Variants in GLYATL2 observed in about 807,000 individuals in gnomAD.
GLYATL2 encodes the protein glycine-N-acyltransferase like 2, also known as glycine N-acyltransferase-like protein 2.
GLYATL2 carries 25 observed loss-of-function variants against 21.4 expected under a neutral mutation model. The observed-to-expected ratio is 1.17, with a 90% CI of 0.85 to 1.63. The LOEUF is 1.63. GLYATL2 is among the 40% of genes most tolerant of loss of function. GLYATL2 has a pLI of 0.00. For synonymous variants in GLYATL2, 114 were observed against 118.2 expected (o/e 0.96, Z 0.23); for missense variants, 361 against 343.3 (o/e 1.05, Z -0.41).
Position 58,889,383 on chromosome 11 carries a change from T to C in GLYATL2, n.60+14773A>G, listed in dbSNP as rs114683043. ...CTTTGCCAATATTTATATGGGTTTT[T>C]AGTTTCTTGCCTTATTGCATAATGT... is the stretch of plus-strand genomic sequence containing the variant. On this transcript the variant is annotated intron_variant and non_coding_transcript_variant, in intron 1 of 4. Transcript: ENST00000533636. Among the ~76,000 whole-genome samples, 773 of 152,132 alleles carry C rather than the reference T, an allele frequency of 5.1e-3. 5 individuals are homozygous for C. The highest frequency in any genetic ancestry group is 0.018 in the African/African-American group (737 of 41,558).
At chr11:58,894,135 G>A (rs1331934625) in intron 1 of GLYATL2, among the ~76,000 whole-genome samples, 1 of 152,158 alleles carries the variant, frequency 6.6e-6, no homozygotes, top group African/African-American at 2.4e-5. Flanking sequence ...ACAGCACAGG[G>A]CAAGGTGTTG....
chr11:58,895,827 G>A (rs958087049), intron 1 of GLYATL2, among the ~76,000 whole-genome samples: 2 of 151,652 alleles, frequency 1.3e-5, no homozygotes, highest in Admixed American at 1.3e-4. Context: ...GGGATACCTG[G>A]AAGCCAGGCA....
chr11:58,896,040 T>G (rs1018182811), intron 1 of GLYATL2, among the ~76,000 whole-genome samples: 1 of 152,084 alleles, frequency 6.6e-6, no homozygotes, highest in African/African-American at 2.4e-5. Flanking sequence ...ATTTTTTTAG[T>G]AGGATGGGGT....
intron 1 of GLYATL2, among the ~76,000 whole-genome samples, chr11:58,865,729 G>A (rs665226): frequency 0.88 from 130,105 of 148,184 alleles, 59,048 homozygotes; most frequent in Non-Finnish European, 0.98. Flanking sequence ...AAGGATGAAG[G>A]AAGAAGGCAG....
chr11:58,864,947 T>G (rs1280051244), intron 1 of GLYATL2, among the ~76,000 whole-genome samples: 1 of 148,960 alleles, frequency 6.7e-6, no homozygotes, highest in Non-Finnish European at 1.5e-5. Context: ...TGTTAAGTGA[T>G]CTTATCAAAC....
intron 1 of GLYATL2, among the ~76,000 whole-genome samples, chr11:58,858,817 A>G (rs1295951385): frequency 6.6e-6 from 1 of 152,176 alleles, no homozygotes; most frequent in African/African-American, 2.4e-5. Context: ...GTCGTTTCCC[A>G]AAGTGTTGGC....
At chr11:58,859,427 A>T (rs1853893023) in intron 1 of GLYATL2, among the ~76,000 whole-genome samples, 1 of 152,160 alleles carries the variant, frequency 6.6e-6, no homozygotes, top group Non-Finnish European at 1.5e-5. Context: ...AGAGAGAGAG[A>T]GAGAGAAAGA....
intron 1 of GLYATL2, among the ~76,000 whole-genome samples, chr11:58,850,985 G>A (rs1470911601): frequency 6.6e-6 from 1 of 152,180 alleles, no homozygotes; most frequent in Non-Finnish European, 1.5e-5. Context: ...TTTCTGAAAA[G>A]AGCATAGAAT....
chr11:58,872,238 T>C (rs1054188053), intron 1 of GLYATL2, among the ~76,000 whole-genome samples: 2 of 152,196 alleles, frequency 1.3e-5, no homozygotes, highest in Non-Finnish European at 2.9e-5. Flanking sequence ...GTAGGTTGCC[T>C]GTTCACTCTG....
intron 1 of GLYATL2, among the ~76,000 whole-genome samples, chr11:58,888,090 A>G (rs1381030314): frequency 6.6e-6 from 1 of 152,120 alleles, no homozygotes; most frequent in Non-Finnish European, 1.5e-5. Flanking sequence ...TCAACATATT[A>G]TATTTTCATA....
chr11:58,901,088 C>G (rs550775662), intron 1 of GLYATL2, among the ~76,000 whole-genome samples: 18 of 152,332 alleles, frequency 1.2e-4, no homozygotes, highest in Admixed American at 4.6e-4. Flanking sequence ...CTTGTGTACT[C>G]AGGACGGTGC....
At chr11:58,906,631 G>T (rs1854893674), upstream of GLYATL2, among the ~76,000 whole-genome samples, 1 of 152,178 alleles carries the variant, frequency 6.6e-6, no homozygotes, top group South Asian at 2.1e-4. Flanking sequence ...CTAGCAAGGT[G>T]CATTTCTCCC....
upstream of GLYATL2, among the ~76,000 whole-genome samples, chr11:58,846,746 G>A (rs148900228): frequency 6.6e-6 from 1 of 152,258 alleles, no homozygotes; most frequent in Non-Finnish European, 1.5e-5. Flanking sequence ...AAGTAAACGT[G>A]AAAGGCAGTG....
intron 1 of GLYATL2, among the ~76,000 whole-genome samples, chr11:58,889,298 G>A (rs1214159993): frequency 6.6e-6 from 1 of 151,656 alleles, no homozygotes; most frequent in Non-Finnish European, 1.5e-5. Context: ...TTTTTTCAAA[G>A]TCTCTTGGAT....
chr11:58,880,759 G>A (rs1023953007), intron 1 of GLYATL2, among the ~76,000 whole-genome samples: 2 of 152,132 alleles, frequency 1.3e-5, no homozygotes, highest in African/African-American at 2.4e-5. Flanking sequence ...AAATTTCCTT[G>A]AGTATTCAAA....
At chr11:58,908,996 C>T (rs974203644), upstream of GLYATL2, among the ~76,000 whole-genome samples, 1 of 152,126 alleles carries the variant, frequency 6.6e-6, no homozygotes, top group African/African-American at 2.4e-5. Flanking sequence ...AACTTCAGAG[C>T]AAGGATCTGA....
intron 1 of GLYATL2, among the ~76,000 whole-genome samples, chr11:58,843,135 G>A (rs1853582912): frequency 6.6e-6 from 1 of 152,142 alleles, no homozygotes; most frequent in African/African-American, 2.4e-5. Context: ...AATGTTAAGT[G>A]AGGACTAATT....
At chr11:58,859,155 T>A (rs925279067) in intron 1 of GLYATL2, among the ~76,000 whole-genome samples, 48 of 152,278 alleles carry the variant, frequency 3.2e-4, no homozygotes, top group African/African-American at 1.2e-3. Flanking sequence ...TGGTGTGAGA[T>A]GTTCCCTATT....
chr11:58,892,759 T>C, intron 1 of GLYATL2: 1 of 343,422 alleles, frequency 2.9e-6, no homozygotes, highest in Non-Finnish European at 5.8e-6. Flanking sequence ...TTATGGAAGA[T>C]ATCCTGAAGC....
Sources: gnomAD v4.1 joint callset for allele counts (sites outside exome capture counted in the v4.1 genomes callset) on GRCh38, gnomAD v4.1.1 for gene constraint, MANE v1.5 for transcripts, NCBI Gene and HGNC (gene_info 2026-07-23, HGNC 2026-07-21) for gene names.